The following ZNF638 variants were observed in gnomAD, a reference collection of about 807,000 sequenced individuals.
The protein encoded by ZNF638 is zinc finger protein 638, also known as CTCL tumor antigen se33-1.
A neutral mutation model predicts 195.6 loss-of-function variants in ZNF638; 46 were observed. That is an observed-to-expected ratio of 0.24 (90% CI 0.19 to 0.30). The LOEUF (loss-of-function observed/expected upper bound fraction) is 0.30. ZNF638 is among the 10% of genes least tolerant of loss of function. The pLI is 1.00. For synonymous variants in ZNF638, 845 were observed against 772.0 expected (o/e 1.09, Z -1.57); for missense variants, 2,440 against 2,325.3 (o/e 1.05, Z -1.01).
At chr2:71,350,378 A>G in intron 2 of ZNF638, 107 bp downstream of exon 2, 2 of 1,169,672 alleles carry the variant, frequency 1.7e-6, no homozygotes, top group Non-Finnish European at 2.4e-6. Context: ...GAAATGGCAG[A>G]AGGTAATTTT....
At chr2:71,428,042 A>G (rs952811418) in intron 24 of ZNF638, among the ~76,000 whole-genome samples, 1 of 152,080 alleles carries the variant, frequency 6.6e-6, no homozygotes, top group African/African-American at 2.4e-5. Context: ...AAATTAAAAA[A>G]TGAGCCAGGC....
chr2:71,402,768 A>T (rs2080032954), intron 16 of ZNF638, among the ~76,000 whole-genome samples: 1 of 152,166 alleles, frequency 6.6e-6, no homozygotes, highest in Non-Finnish European at 1.5e-5. Context: ...GATTTCAGGA[A>T]ATAGTTTAAA....
rs1179769333 is a variant in ZNF638 at position 71,423,168 on chromosome 2, C to G, written c.3654C>G (p.Asn1218Lys). ...AGAAGAAAGGGGCAGAAATTATTAA[C>G]CCTAAAACAGCATTGTTACCATCTG... is the stretch of plus-strand genomic sequence containing the variant. ...DLEKKGAEII[N>K]PKTALLPSDS... The change falls in exon 22 of 28, where the codon AAC (asparagine) becomes AAG (lysine). Residue 1218 changes from asparagine (N) to lysine (K), a missense_variant. Coordinates refer to ENST00000264447, the MANE Select transcript of ZNF638 (RefSeq NM_014497.5). 3 of 1,613,944 alleles carry G rather than the reference C, an allele frequency of 1.9e-6. No individual in the cohort carries two copies. The highest frequency in any genetic ancestry group is 2.5e-6 in the Non-Finnish European group (3 of 1,179,994).
chr2:71,387,185 T>C (rs1377302712), intron 10 of ZNF638, among the ~76,000 whole-genome samples: 1 of 152,072 alleles, frequency 6.6e-6, no homozygotes, highest in Non-Finnish European at 1.5e-5. Context: ...AATATTAAAA[T>C]ATATTACAAA....
At chr2:71,391,037 T>A (rs541597744) in intron 10 of ZNF638, among the ~76,000 whole-genome samples, 1 of 152,270 alleles carries the variant, frequency 6.6e-6, no homozygotes, top group East Asian at 1.9e-4. Context: ...CAGTGGCCTT[T>A]AAAGGGAGGG....
chr2:71,396,283 A>G, intron 11 of ZNF638, 92 bp downstream of exon 11: 1 of 1,031,938 alleles, frequency 9.7e-7, no homozygotes, highest in Non-Finnish European at 1.4e-6. Context: ...ATTTCACATG[A>G]CATAGTCTGT....
At chr2:71,333,898 A>G (rs2078617508) in intron 1 of ZNF638, among the ~76,000 whole-genome samples, 1 of 152,230 alleles carries the variant, frequency 6.6e-6, no homozygotes, top group Non-Finnish European at 1.5e-5. Context: ...CTTGTATTTC[A>G]AAATTGAAGT....
At position 71,423,606 on chromosome 2, in the gene ZNF638, T is replaced by C. The variant is rs1354628514; in HGVS notation, c.4092T>C (p.Asn1364=). Residue 1364 remains asparagine, a synonymous_variant, in exon 22 of 28, where the codon AAT becomes AAC. Transcript: ENST00000264447. ...ACACTTTATTCAAGGCATACCCAAA[T>C]AAAGGAGTGGGTCAGGCTAATAAGC... is the stretch of plus-strand genomic sequence containing the variant. ...AENTLFKAYP[N]KGVGQANKPD... 2 of 1,613,890 alleles carry C rather than the reference T, an allele frequency of 1.2e-6. No individual in the cohort carries two copies. The highest frequency in any genetic ancestry group is 1.7e-6 in the Non-Finnish European group (2 of 1,179,988).
At chr2:71,386,478 CCT>C (rs2079642889) in intron 10 of ZNF638, among the ~76,000 whole-genome samples, 1 of 152,080 alleles carries the variant, frequency 6.6e-6, no homozygotes, top group Non-Finnish European at 1.5e-5. Flanking sequence ...TGCATCAACA[CCT>C]CTTTCAGTTA....
chr2:71,334,051 A>G (rs1004601360), intron 1 of ZNF638, among the ~76,000 whole-genome samples: 1 of 152,212 alleles, frequency 6.6e-6, no homozygotes, highest in African/African-American at 2.4e-5. Flanking sequence ...TTGTGCTTCT[A>G]TAAACTTTTT....
intron 10 of ZNF638, among the ~76,000 whole-genome samples, chr2:71,387,294 A>G (rs1371309241): frequency 6.6e-6 from 1 of 152,216 alleles, no homozygotes; most frequent in Non-Finnish European, 1.5e-5. Context: ...ACATCAGTAA[A>G]TTTGTATGAT....
intron 8 of ZNF638, among the ~76,000 whole-genome samples, chr2:71,377,711 A>AG (rs1333626717): frequency 3.3e-5 from 5 of 152,244 alleles, no homozygotes; most frequent in African/African-American, 1.2e-4. Context: ...AAATGATTAG[A>AG]GGAAAGGCAT....
intron 11 of ZNF638, 125 bp from the exon 12 acceptor site, chr2:71,398,576 A>G: frequency 1.3e-6 from 1 of 785,476 alleles, no homozygotes; most frequent in Non-Finnish European, 2.2e-6. Context: ...CCCAAAGATG[A>G]TAGCATTTTA....
In ZNF638 at chr2:71,346,035, A is replaced by T. The variant is rs558363938; in HGVS notation, c.-202-2718A>T. ...GGGCACATTAGGAAATACACAGTAC[A>T]TTTTTGCCTTTAAGGAATTTTAAAT... is the stretch of plus-strand genomic sequence containing the variant. On this transcript the variant is annotated intron_variant, in intron 1 of 27. Coordinates refer to ENST00000264447, the MANE Select transcript of ZNF638 (RefSeq NM_014497.5). 3.9e-5 allele frequency among the ~76,000 whole-genome samples: 6 copies of T among 152,280 alleles called. No homozygotes were observed. The East Asian group carries it at 1.2e-3, about 29-fold the overall frequency.
At chr2:71,400,576 T>C (rs537517850) in intron 15 of ZNF638, 58 bp downstream of exon 15, 2 of 1,456,794 alleles carry the variant, frequency 1.4e-6, no homozygotes, top group African/African-American at 2.9e-5. Flanking sequence ...ACAAAAGATA[T>C]TTTTCTTATA....
chr2:71,372,452 C>T (rs957129593), intron 8 of ZNF638, among the ~76,000 whole-genome samples: 9 of 152,082 alleles, frequency 5.9e-5, no homozygotes, highest in African/African-American at 2.2e-4. Flanking sequence ...TGTAAAGTCC[C>T]CTAGTTACTG....
chr2:71,348,840 T>G lies in ZNF638; in HGVS notation c.-115T>G. 6.2e-7 allele frequency: 1 copy of G among 1,608,046 alleles called. No individual in the cohort carries two copies. On this transcript the variant is annotated 5_prime_UTR_variant, in exon 2 of 28. Transcript: ENST00000264447. ...ACCCACTTCTGTTGGGCCCATCTCC[T>G]TTGCACTTTGCTCAGATTAAGACTC...
intron 10 of ZNF638, chr2:71,380,799 C>T (rs551460045): frequency 6.2e-5 from 22 of 356,744 alleles, no homozygotes; most frequent in Non-Finnish European, 8.5e-5. Flanking sequence ...AAATAGCTAT[C>T]GTAGTTCCAC....
At chr2:71,376,966 C>T (rs566170214) in intron 8 of ZNF638, among the ~76,000 whole-genome samples, 27 of 152,212 alleles carry the variant, frequency 1.8e-4, no homozygotes, top group African/African-American at 5.5e-4. Context: ...TCTCATACTT[C>T]GAAAGTTTTC....
Sources: gnomAD v4.1 joint callset for allele counts (sites outside exome capture counted in the v4.1 genomes callset) on GRCh38, gnomAD v4.1.1 for gene constraint, MANE v1.5 for transcripts, NCBI Gene and HGNC (gene_info 2026-07-23, HGNC 2026-07-21) for gene names.